Variants in DENND3 observed in about 807,000 individuals in gnomAD.
DENND3 encodes DENN domain containing 3, also known as DENN domain-containing protein 3.
A neutral mutation model predicts 135.1 loss-of-function variants in DENND3; 88 were observed. That is an observed-to-expected ratio of 0.65 (90% CI 0.55 to 0.78). The LOEUF (loss-of-function observed/expected upper bound fraction) is 0.78, where lower values mean the gene tolerates loss of function less well. DENND3 is among the 30% of genes least tolerant of loss of function. The pLI, the probability that DENND3 is intolerant of heterozygous loss-of-function variation, is 0.00. For synonymous variants in DENND3, 693 were observed against 712.3 expected, an observed-to-expected ratio of 0.97 and a Z score of 0.43; for missense variants, 1,392 against 1,688.4, an observed-to-expected ratio of 0.82 and a Z score of 3.08.
chr8:141,166,185 C>T lies in DENND3; in HGVS notation c.1554-5C>T. ...AAACTAACGCGTTGCTTTTTCGTAC[C>T]CCAGAATAAATGGAATGCTTCTAAG... On this transcript the variant is annotated splice_region_variant and splice_polypyrimidine_tract_variant and intron_variant, in intron 11 of 22. Transcript: ENST00000519811. The surrounding 1 kb of genome is among the most constrained non-coding windows in gnomAD (Gnocchi z 4.3). 1 of 1,613,278 alleles carries T rather than the reference C, an allele frequency of 6.2e-7. No individual in the cohort carries two copies. Among genetic ancestry groups the T allele is most frequent in the African/African-American group, 1.3e-5 (1 of 74,934 alleles).
intron 2 of DENND3, 94 bp downstream of exon 2, chr8:141,136,885 G>A (rs1043711493): frequency 1.2e-5 from 16 of 1,371,590 alleles, no homozygotes; most frequent in African/African-American, 2.9e-5. Flanking sequence ...GGGAAGTGAC[G>A]TGAGCGGCAG....
Position 141,150,827 on chromosome 8 carries a change from G to C in DENND3, c.736-7G>C, listed in dbSNP as rs772831234. The C allele has an allele frequency of 9.4e-6, 15 of 1,591,102 alleles. No homozygotes were observed. In the East Asian group the frequency reaches 3.4e-4, roughly 36 times the overall value. On this transcript the variant is annotated splice_polypyrimidine_tract_variant and splice_region_variant and intron_variant, in intron 5 of 22. Transcript: ENST00000519811. Reference sequence around the variant, plus strand: ...TCTGAACTAATGACGGGAACTGGTTGTCGTAGGTATTTAACATGAAGTCGC... The same window carrying C: ...TCTGAACTAATGACGGGAACTGGTTCTCGTAGGTATTTAACATGAAGTCGC...
chr8:141,190,590 C>T, intron 20 of DENND3, 173 bp downstream of exon 20: 1 of 992,086 alleles, frequency 1.0e-6, no homozygotes, highest in Middle Eastern at 3.3e-4. Flanking sequence ...TGCACTGCTG[C>T]TCCTGGGGGC....
chr8:141,193,113 C>T, intron 22 of DENND3: 1 of 289,510 alleles, frequency 3.5e-6, no homozygotes. Flanking sequence ...CTCTCTCTCC[C>T]TGTGTGTGTC....
chr8:141,151,522 C>G, intron 6 of DENND3, 97 bp from the exon 7 acceptor site: 1 of 1,174,618 alleles, frequency 8.5e-7, no homozygotes. Context: ...GATCACACCA[C>G]TGCACTCCAG....
At position 141,174,136 on chromosome 8, in the gene DENND3, C is replaced by T. The variant is rs1822015524; in HGVS notation, c.2276-1064C>T. The stretch of plus-strand genomic sequence containing the variant: ...TGTGTGTGTGCGTGTAACAACACGA[C>T]CTGTTTGGGAGCATGCTTGGTACGG... On this transcript the variant is annotated intron_variant, in intron 13 of 22. Coordinates refer to ENST00000519811, the MANE Select transcript of DENND3 (RefSeq NM_001352890.3). This position sits in a 1 kb window ranked among gnomAD's most constrained non-coding sequence, Gnocchi z 4.6. 6.6e-6 allele frequency among the ~76,000 whole-genome samples: 1 copy of T among 152,038 alleles called. No individual in the cohort carries two copies. The highest frequency in any genetic ancestry group is 1.5e-5 in the Non-Finnish European group (1 of 68,010).
chr8:141,190,456 T>A, intron 20 of DENND3, 39 bp downstream of exon 20: 2 of 1,558,324 alleles, frequency 1.3e-6, no homozygotes, highest in Non-Finnish European at 1.7e-6. Context: ...GCACCCTACC[T>A]CCCTGCTCTG....
chr8:141,159,408 G>A (rs907605946), intron 8 of DENND3, among the ~76,000 whole-genome samples: 47 of 152,184 alleles, frequency 3.1e-4, no homozygotes, highest in African/African-American at 1.1e-3. Flanking sequence ...CAAGTCCCCC[G>A]TCTGTGTCTT....
chr8:141,158,186 TC>T (rs1355999077), intron 8 of DENND3: 9 of 1,289,520 alleles, frequency 7.0e-6, no homozygotes, highest in Middle Eastern at 2.1e-4. Flanking sequence ...TGGGCTCTCC[TC>T]CCCAGCCAAG....
rs776557233 is a variant in DENND3, at chr8:141,194,075, G to A, written c.3679G>A (p.Gly1227Arg). 1.2e-6 allele frequency: 2 copies of A among 1,614,000 alleles called. No individual in the cohort carries two copies. Among genetic ancestry groups the A allele is most frequent in the East Asian group, 4.5e-5 (2 of 44,882 alleles). Residue 1227 changes from glycine (G) to arginine (R), a missense_variant, in exon 23 of 23, where the codon GGG becomes AGG. By Grantham distance (125) the Gly-to-Arg change is moderately radical. Transcript: ENST00000519811. ...AGGGCTGGGGCAGGGAACACCCAAG[G>A]GGAAAATCTACGTGATTGACGCCGA... Reference protein sequence around the residue: ...SRGLGQGTPKGKIYVIDAERK... With the variant: ...SRGLGQGTPKRKIYVIDAERK...
In DENND3 at chr8:141,141,511, T is replaced by G; in HGVS notation, c.623+187T>G. 3.0e-5 allele frequency: 14 copies of G among 470,456 alleles called. No individual in the cohort carries two copies. The highest frequency in any genetic ancestry group is 5.1e-5 in the East Asian group (1 of 19,774). The allele number at this position is 470,456 out of a possible 1,614,324, so 29.1% of individuals were successfully genotyped here. A position where few individuals can be genotyped will look rare whatever the true frequency, so the allele number is the denominator to read the frequency against. ...TCTCTGTGCCTCTTAGGCTGTTGCT[T>G]AAGGCTGGGGGCAGTGGGCAGGGGG... On this transcript the variant is annotated intron_variant, in intron 4 of 22. Transcript: ENST00000519811. This position sits in a 1 kb window ranked among gnomAD's most constrained non-coding sequence, Gnocchi z 5.3.
At chr8:141,131,843 C>T (rs1338483344) in intron 1 of DENND3, among the ~76,000 whole-genome samples, 1 of 151,370 alleles carries the variant, frequency 6.6e-6, no homozygotes, top group African/African-American at 2.4e-5. Flanking sequence ...ATGACCTCAC[C>T]TCCTGCAGCA....
chr8:141,181,186 G>A (rs1469473380), intron 17 of DENND3, among the ~76,000 whole-genome samples: 1 of 152,184 alleles, frequency 6.6e-6, no homozygotes, highest in South Asian at 2.1e-4. Flanking sequence ...TTGAGACGGA[G>A]TCTTGCTCTG....
rs551998600 is a variant in DENND3 at position 141,176,945 on chromosome 8, C to T, written c.2706+184C>T. 78 of 648,412 alleles carry T rather than the reference C, an allele frequency of 1.2e-4. 1 individual carries two copies. The South Asian group carries it at 1.5e-3, about 13-fold the overall frequency. The allele number at this position is 648,412 out of a possible 1,614,324, so 40.2% of individuals were successfully genotyped here. Reference sequence around the variant, plus strand: ...TGAAGATGTGGTCTGTGTGACCCAGCGAGAGGCCTCACGGTGCTACGGAAG... The same window carrying T: ...TGAAGATGTGGTCTGTGTGACCCAGTGAGAGGCCTCACGGTGCTACGGAAG... On this transcript the variant is annotated intron_variant, in intron 15 of 22. Transcript: ENST00000519811.
At chr8:141,148,210 G>C (rs899741548) in intron 5 of DENND3, among the ~76,000 whole-genome samples, 2 of 152,120 alleles carry the variant, frequency 1.3e-5, no homozygotes, top group African/African-American at 2.4e-5. Flanking sequence ...CATTACTTCT[G>C]GTCCGGGTTA....
At chr8:141,149,410 C>T (rs1402227763) in intron 5 of DENND3, among the ~76,000 whole-genome samples, 1 of 152,238 alleles carries the variant, frequency 6.6e-6, no homozygotes, top group Non-Finnish European at 1.5e-5. Context: ...TACTACTGGT[C>T]ATAAAAAATC....
Position 141,130,358 on chromosome 8 carries a change from C to A in DENND3, c.102+1549C>A, listed in dbSNP as rs539567275. ...GTGCTGGGATTACAGGCGTGAGCCA[C>A]TGCGCCTGGCCAGTGGTGCATTCCT... On this transcript the variant is annotated intron_variant, in intron 1 of 22. Coordinates refer to ENST00000519811, the MANE Select transcript of DENND3 (RefSeq NM_001352890.3). This position sits in a 1 kb window ranked among gnomAD's most constrained non-coding sequence, Gnocchi z 4.2. Among the ~76,000 whole-genome samples, 16 of 152,282 alleles carry A rather than the reference C, an allele frequency of 1.1e-4. No individual in the cohort carries two copies. In the East Asian group the frequency reaches 1.9e-3, roughly 18 times the overall value.
chr8:141,145,847 A>ATG (rs1818046532), intron 5 of DENND3, among the ~76,000 whole-genome samples: 1 of 56,182 alleles, frequency 1.8e-5, no homozygotes, highest in East Asian at 1.2e-3. Flanking sequence ...ATATATATAT[A>ATG]TATGTATTTT....
chr8:141,192,630 T>C lies in DENND3; in HGVS notation c.3603T>C (p.Ser1201=). 6.2e-7 allele frequency: 1 copy of C among 1,605,020 alleles called. No individual in the cohort carries two copies. Among genetic ancestry groups the C allele is most frequent in the Non-Finnish European group, 8.5e-7 (1 of 1,174,222 alleles). The change falls in exon 22 of 23, where the codon TCT becomes TCC. Residue 1201 remains serine (S), a synonymous_variant. Transcript: ENST00000519811. ...AGAGGGTGCCCCTCGAGGACTGCTC[T>C]GAGATCAACTGCATGATCCGGGTGA... ...PPQRVPLEDC[S]EINCMIRVKK...
Sources: allele counts gnomAD v4.1 joint callset (sites outside exome capture counted in the v4.1 genomes callset), GRCh38; gene constraint gnomAD v4.1.1; non-coding constraint Gnocchi (gnomAD v3.1); transcripts MANE v1.5; gene names NCBI Gene and HGNC (gene_info 2026-07-23, HGNC 2026-07-21).